The following GPC5 variants were observed in gnomAD, a reference collection of about 807,000 sequenced individuals.
The protein encoded by GPC5 is glypican-5.
GPC5 carries 47 observed loss-of-function variants against 53.9 expected under a neutral mutation model. The ratio of observed to expected loss-of-function variants is 0.87; its 90% CI spans 0.69 to 1.11. GPC5 has a LOEUF of 1.11. GPC5 is among the 50% of genes most tolerant of loss of function. The pLI, the probability that GPC5 is intolerant of heterozygous loss-of-function variation, is 0.00. For missense variants in GPC5, 748 were observed against 713.1 expected, an observed-to-expected ratio of 1.05 and a Z score of -0.56; for synonymous variants, 286 against 263.3, an observed-to-expected ratio of 1.09 and a Z score of -0.84.
intron 6 of GPC5, among the ~76,000 whole-genome samples, chr13:91,964,220 C>T (rs2040157547): frequency 6.6e-6 from 1 of 152,084 alleles, no homozygotes; most frequent in Non-Finnish European, 1.5e-5. Context: ...AGTGCAGACC[C>T]AAAGAGTGAG....
Position 92,036,325 on chromosome 13 carries a change from A to G in GPC5, c.1402-108505A>G, listed in dbSNP as rs146155947. Among the ~76,000 whole-genome samples the G allele has an allele frequency of 2.6e-5, 4 of 152,334 alleles. No individual in the cohort carries two copies. The East Asian group carries it at 7.7e-4, about 29-fold the overall frequency. ...CAAAGCTGGGCAAAGATATCATTTT[A>G]TGGGATAGTGTTATAACAATTCTAC... On this transcript the variant is annotated intron_variant, in intron 6 of 7. Transcript: ENST00000377067.
intron 3 of GPC5, among the ~76,000 whole-genome samples, chr13:91,714,195 A>G (rs569327902): frequency 3.3e-5 from 5 of 152,320 alleles, no homozygotes; most frequent in South Asian, 2.1e-4. Context: ...GAGTTATTTT[A>G]TAGACTTTAA....
At chr13:91,770,659 C>T (rs186099750) in intron 5 of GPC5, among the ~76,000 whole-genome samples, 11 of 151,482 alleles carry the variant, frequency 7.3e-5, no homozygotes, top group East Asian at 3.9e-4. Flanking sequence ...TTATCCCAGT[C>T]GCCGCTTTAG....
At chr13:91,927,671 G>A (rs1188059557) in intron 6 of GPC5, among the ~76,000 whole-genome samples, 2 of 152,074 alleles carry the variant, frequency 1.3e-5, no homozygotes, top group African/African-American at 4.8e-5. Flanking sequence ...CAGGATACTG[G>A]TGTTTTCAAA....
At chr13:92,293,211 T>C (rs1566523766) in intron 7 of GPC5, among the ~76,000 whole-genome samples, 1 of 152,018 alleles carries the variant, frequency 6.6e-6, no homozygotes, top group Admixed American at 6.6e-5. Context: ...AGAATGTTGG[T>C]GGTATTTTGA....
At position 92,357,190 on chromosome 13, in the gene GPC5, T is replaced by G. The variant is rs565523532; in HGVS notation, c.1561+212201T>G. On this transcript the variant is annotated intron_variant, in intron 7 of 7. Coordinates refer to ENST00000377067, the MANE Select transcript of GPC5 (RefSeq NM_004466.6). ...TGCAAGGGACACACATGTGCATGTG[T>G]CTTTATGGCAGAATGATTTATATTC... Among the ~76,000 whole-genome samples the G allele has an allele frequency of 5.9e-5, 9 of 151,870 alleles. 1 individual carries two copies. Among genetic ancestry groups the G allele is most frequent in the African/African-American group, 1.9e-4 (8 of 41,124 alleles).
At chr13:92,096,468 T>C (rs1239333409) in intron 6 of GPC5, among the ~76,000 whole-genome samples, 1 of 152,194 alleles carries the variant, frequency 6.6e-6, no homozygotes, top group Non-Finnish European at 1.5e-5. Context: ...TGTGTATATA[T>C]AGGTTACATG....
At chr13:91,858,485 TTAAC>T (rs1029045307) in intron 5 of GPC5, among the ~76,000 whole-genome samples, 1 of 152,038 alleles carries the variant, frequency 6.6e-6, no homozygotes, top group African/African-American at 2.4e-5. Context: ...TTGCATATGT[TTAAC>T]TATCCTTGCA....
intron 5 of GPC5, among the ~76,000 whole-genome samples, chr13:91,905,831 G>T (rs956152045): frequency 5.9e-5 from 9 of 152,052 alleles, no homozygotes; most frequent in Admixed American, 5.2e-4. Context: ...AAAGTATTAT[G>T]ATATTTAATG....
intron 2 of GPC5, among the ~76,000 whole-genome samples, chr13:91,658,699 G>T (rs1466603173): frequency 6.6e-6 from 1 of 152,098 alleles, no homozygotes; most frequent in Non-Finnish European, 1.5e-5. Context: ...AGCTTCCTAA[G>T]CTCTGTGGGG....
intron 7 of GPC5, among the ~76,000 whole-genome samples, chr13:92,236,359 A>G (rs1362981008): frequency 3.3e-5 from 5 of 152,128 alleles, no homozygotes; most frequent in African/African-American, 9.6e-5. Context: ...GCAATATCAT[A>G]TCATAGCAAA....
chr13:92,618,903 A>G (rs1412257466), intron 7 of GPC5, among the ~76,000 whole-genome samples: 3 of 151,942 alleles, frequency 2.0e-5, no homozygotes, highest in Admixed American at 2.0e-4. Flanking sequence ...AAGTAAAACA[A>G]TTGAAGAATT....
chr13:92,422,118 C>T (rs1273290726), intron 7 of GPC5, among the ~76,000 whole-genome samples: 1 of 139,252 alleles, frequency 7.2e-6, no homozygotes, highest in East Asian at 2.7e-4. Context: ...TATTCCCAAA[C>T]AAATCTTGCC....
intron 2 of GPC5, among the ~76,000 whole-genome samples, chr13:91,583,507 A>T (rs761478317): frequency 1.6e-4 from 24 of 152,220 alleles, no homozygotes; most frequent in Non-Finnish European, 3.5e-4. Context: ...CAAATGTTAT[A>T]CCTAGTACTG....
chr13:92,556,484 T>C (rs1381512530), intron 7 of GPC5, among the ~76,000 whole-genome samples: 1 of 151,730 alleles, frequency 6.6e-6, no homozygotes, highest in African/African-American at 2.4e-5. Context: ...AGATATTTAT[T>C]AATATCCATG....
At chr13:92,584,847 G>A (rs1204811938) in intron 7 of GPC5, among the ~76,000 whole-genome samples, 1 of 152,166 alleles carries the variant, frequency 6.6e-6, no homozygotes, top group Non-Finnish European at 1.5e-5. Flanking sequence ...CCAACGTACA[G>A]CTTGGGCTGT....
intron 7 of GPC5, among the ~76,000 whole-genome samples, chr13:92,344,102 C>CTGGG: frequency 6.6e-6 from 1 of 151,326 alleles, no homozygotes; most frequent in East Asian, 2.0e-4. Flanking sequence ...ATACCTGAGA[C>CTGGG]TGGGTAATTT....
chr13:92,020,193 C>A (rs1181991476), intron 6 of GPC5, among the ~76,000 whole-genome samples: 4 of 152,082 alleles, frequency 2.6e-5, no homozygotes, highest in African/African-American at 4.8e-5. Context: ...TTTAAGAAAG[C>A]TTGTAATTTC....
intron 7 of GPC5, among the ~76,000 whole-genome samples, chr13:92,567,981 C>G (rs1882912212): frequency 6.6e-6 from 1 of 152,044 alleles, no homozygotes; most frequent in Non-Finnish European, 1.5e-5. Context: ...AAGAAATATT[C>G]AGGTTATTGG....
Sources: allele counts gnomAD v4.1 joint callset (sites outside exome capture counted in the v4.1 genomes callset), GRCh38; gene constraint gnomAD v4.1.1; transcripts MANE v1.5; gene names NCBI Gene and HGNC (gene_info 2026-07-23, HGNC 2026-07-21).